Variants in COL23A1 observed in about 807,000 individuals in gnomAD.
COL23A1 encodes collagen alpha-1(XXIII) chain.
A neutral mutation model predicts 99.3 loss-of-function variants in COL23A1; 97 were observed. The ratio of observed to expected loss-of-function variants is 0.98; its 90% CI spans 0.83 to 1.16. The LOEUF (loss-of-function observed/expected upper bound fraction) is 1.16. COL23A1 is among the 50% of genes most tolerant of loss of function. The pLI is 0.00. For synonymous variants in COL23A1, 320 were observed against 308.2 expected (o/e 1.04, Z -0.40); for missense variants, 762 against 757.4 (o/e 1.01, Z -0.07).
At chr5:178,451,425 G>A (rs573116966) in intron 2 of COL23A1, among the ~76,000 whole-genome samples, 3 of 152,202 alleles carry the variant, frequency 2.0e-5, no homozygotes, top group African/African-American at 7.2e-5. Context: ...AGAGCCCAAG[G>A]CATGCAGATT....
At chr5:178,457,031 A>T (rs989056944) in intron 2 of COL23A1, among the ~76,000 whole-genome samples, 1 of 152,208 alleles carries the variant, frequency 6.6e-6, no homozygotes, top group African/African-American at 2.4e-5. Flanking sequence ...GAAAAATGTT[A>T]ATCATGGTGC....
chr5:178,585,731 C>CCT (rs1562115596), intron 1 of COL23A1, among the ~76,000 whole-genome samples: 635 of 4,734 alleles, frequency 0.13, 72 homozygotes, highest in East Asian at 0.25. Context: ...GGTAACACTC[C>CCT]ACAGCCCTGG....
rs2973709 is a variant in COL23A1 at position 178,366,688 on chromosome 5, C to A, written c.362-59769G>T. Among the ~76,000 whole-genome samples the A allele has an allele frequency of 6.6e-6, 1 of 152,210 alleles. No homozygotes were observed. Among genetic ancestry groups the A allele is most frequent in the East Asian group, 1.9e-4 (1 of 5,192 alleles). On this transcript the variant is annotated intron_variant, in intron 2 of 28. Coordinates refer to ENST00000390654, the MANE Select transcript of COL23A1 (RefSeq NM_173465.4). This position sits in a 1 kb window ranked among gnomAD's most constrained non-coding sequence, Gnocchi z 4.4. ...CCAAAACAGCATCCTGCCGCTGCCA[C>A]GGTGGTGCAGCCACACTGAGCATCC...
At chr5:178,557,513 T>C (rs1013682482) in intron 2 of COL23A1, among the ~76,000 whole-genome samples, 4 of 152,174 alleles carry the variant, frequency 2.6e-5, no homozygotes, top group African/African-American at 9.7e-5. Flanking sequence ...GAGAAGCCCC[T>C]GCCACCACAC....
intron 3 of COL23A1, among the ~76,000 whole-genome samples, chr5:178,294,398 C>A (rs1757630552): frequency 4.0e-5 from 1 of 24,856 alleles, no homozygotes; most frequent in African/African-American, 1.3e-4. Flanking sequence ...CTCCCCAAAT[C>A]ACTACCGAGC....
In COL23A1 at chr5:178,240,173, G is replaced by A. The variant is rs571208718; in HGVS notation, c.1582-994C>T. ...CCGGGTTTCCTCAGGCAGCCTGGAGGGTGGGGAAACTGGAGAGGAACGAAG... is the reference window on the plus strand; with the variant it reads ...CCGGGTTTCCTCAGGCAGCCTGGAGAGTGGGGAAACTGGAGAGGAACGAAG... On this transcript the variant is annotated intron_variant, in intron 27 of 28. Coordinates refer to ENST00000390654, the MANE Select transcript of COL23A1 (RefSeq NM_173465.4). Among the ~76,000 whole-genome samples the A allele has an allele frequency of 5.3e-5, 8 of 152,316 alleles. 1 individual carries two copies. In the South Asian group the frequency reaches 1.7e-3, roughly 32 times the overall value.
Position 178,239,138 on chromosome 5 carries a change from T to A in COL23A1, c.1620+3A>T. 1 of 1,613,474 alleles carries A rather than the reference T, an allele frequency of 6.2e-7. No individual in the cohort carries two copies. Among genetic ancestry groups the A allele is most frequent in the Non-Finnish European group, 8.5e-7 (1 of 1,179,598 alleles). On this transcript the variant is annotated splice_donor_region_variant and intron_variant, in intron 28 of 28. Coordinates refer to ENST00000390654, the MANE Select transcript of COL23A1 (RefSeq NM_173465.4). ...CTGCCCTGGAGACTTCCCTGCACGG[T>A]ACCTTATGCCAGCAGCCAGGCACAG...
intron 2 of COL23A1, among the ~76,000 whole-genome samples, chr5:178,390,550 C>T (rs754393760): frequency 2.0e-4 from 30 of 152,260 alleles, no homozygotes; most frequent in Non-Finnish European, 2.9e-4. Flanking sequence ...ATAGAGACCC[C>T]TGCAAGGCCT....
chr5:178,344,171 A>T (rs1204146509), intron 2 of COL23A1, among the ~76,000 whole-genome samples: 1 of 152,220 alleles, frequency 6.6e-6, no homozygotes, highest in Admixed American at 6.5e-5. Flanking sequence ...CCCCCAAAAG[A>T]TACCAAAATC....
At chr5:178,396,817 G>C (rs1309325252) in intron 2 of COL23A1, among the ~76,000 whole-genome samples, 1 of 148,208 alleles carries the variant, frequency 6.7e-6, no homozygotes, top group Non-Finnish European at 1.5e-5. Flanking sequence ...TCCAGGCTTG[G>C]TTCCGGCCCC....
intron 6 of COL23A1, among the ~76,000 whole-genome samples, chr5:178,269,209 A>T (rs984831649): frequency 2.8e-5 from 4 of 142,606 alleles, no homozygotes; most frequent in Non-Finnish European, 4.6e-5. Context: ...CTTATTTCTT[A>T]AAAAAAAAAA....
intron 2 of COL23A1, among the ~76,000 whole-genome samples, chr5:178,557,049 A>G (rs567010317): frequency 6.6e-6 from 1 of 152,220 alleles, no homozygotes; most frequent in African/African-American, 2.4e-5. Flanking sequence ...TCCCAGTTCT[A>G]GGGGCAAGAA....
intron 2 of COL23A1, among the ~76,000 whole-genome samples, chr5:178,380,520 C>T (rs952614690): frequency 2.0e-5 from 3 of 151,972 alleles, no homozygotes; most frequent in Non-Finnish European, 4.4e-5. Context: ...ATCAGGAGTT[C>T]CAAGTTTTGA....
chr5:178,564,682 G>C lies in COL23A1; in HGVS notation c.295-3934C>G, dbSNP rs561298169. On this transcript the variant is annotated intron_variant, in intron 1 of 28. Coordinates refer to ENST00000390654, the MANE Select transcript of COL23A1 (RefSeq NM_173465.4). ...CTGGGGGAAGGGCGGCAAGAGCTCA[G>C]GGAATCAGGGAAATCCTGGTTTTTA... Among the ~76,000 whole-genome samples the C allele has an allele frequency of 5.3e-5, 8 of 152,288 alleles. No individual in the cohort carries two copies. The East Asian group carries it at 1.4e-3, about 26-fold the overall frequency.
chr5:178,516,762 C>A (rs2127999563), intron 2 of COL23A1, among the ~76,000 whole-genome samples: 1 of 152,286 alleles, frequency 6.6e-6, no homozygotes, highest in South Asian at 2.1e-4. Flanking sequence ...CTCCTAGTCT[C>A]CCCCAGGCTC....
chr5:178,580,790 TG>T (rs1366916986), intron 1 of COL23A1, among the ~76,000 whole-genome samples: 1 of 151,858 alleles, frequency 6.6e-6, no homozygotes, highest in African/African-American at 2.4e-5. Context: ...AAGGCCAAGG[TG>T]GGAGGGCTGC....
At chr5:178,523,484 G>A (rs2113105018) in intron 2 of COL23A1, 1 of 149,190 alleles carries the variant, frequency 6.7e-6, no homozygotes, top group Non-Finnish European at 1.5e-5. Flanking sequence ...ATGTGCACAA[G>A]TTCTGAGCAA....
intron 2 of COL23A1, among the ~76,000 whole-genome samples, chr5:178,453,200 A>G (rs1767586092): frequency 1.3e-5 from 2 of 152,226 alleles, no homozygotes; most frequent in African/African-American, 4.8e-5. Context: ...AAGGAGAACA[A>G]GAGACACACA....
chr5:178,586,687 T>C (rs554166031), intron 1 of COL23A1, among the ~76,000 whole-genome samples: 91 of 152,296 alleles, frequency 6.0e-4, no homozygotes, highest in African/African-American at 2.1e-3. Flanking sequence ...AAACTTTTTT[T>C]TGTTGTTTTG....
Sources: gnomAD v4.1 joint callset for allele counts (sites outside exome capture counted in the v4.1 genomes callset) on GRCh38, gnomAD v4.1.1 for gene constraint, Gnocchi (gnomAD v3.1) non-coding constraint, MANE v1.5 for transcripts, NCBI Gene and HGNC (gene_info 2026-07-23, HGNC 2026-07-21) for gene names.